Variants in MAD1L1 observed in about 807,000 individuals in gnomAD.
The protein encoded by MAD1L1 is mitotic arrest deficient 1 like 1, also known as mitotic spindle assembly checkpoint protein MAD1.
In MAD1L1, 95 loss-of-function variants were observed where a neutral mutation model predicts 96.9. The ratio of observed to expected loss-of-function variants is 0.98; its 90% confidence interval spans 0.83 to 1.16. The LOEUF (loss-of-function observed/expected upper bound fraction) is 1.16. MAD1L1 is among the 50% of genes most tolerant of loss of function. The pLI, the probability that MAD1L1 is intolerant of heterozygous loss-of-function variation, is 0.00. For synonymous variants in MAD1L1, 473 were observed against 396.6 expected, an observed-to-expected ratio of 1.19 and a Z score of -2.29; for missense variants, 1,007 against 954.4, an observed-to-expected ratio of 1.06 and a Z score of -0.73.
In MAD1L1 at chr7:2,216,215, G is replaced by A. The variant is rs61736416; in HGVS notation, c.751C>T (p.Arg251Trp). The change falls in exon 8 of 19, where the codon CGG (arginine) becomes TGG (tryptophan). Residue 251 changes from arginine to tryptophan, a missense_variant. Physicochemically the swap from Arg to Trp is moderately radical, Grantham distance 101. Transcript: ENST00000265854. ...IVKNMKSELV[R>W]LPRLERELKQ... ...AGCTCCCGTTCCAGCCTAGGGAGCC[G>A]TACCAGCTCAGACTTCATGTTCTTC... 63 of 1,613,938 alleles carry A rather than the reference G, an allele frequency of 3.9e-5. No homozygotes were observed. Among genetic ancestry groups the A allele is most frequent in the Non-Finnish European group, 4.7e-5 (56 of 1,180,042 alleles).
chr7:2,182,026 T>C (rs1034055384), intron 10 of MAD1L1, among the ~76,000 whole-genome samples: 5 of 152,144 alleles, frequency 3.3e-5, no homozygotes, highest in African/African-American at 1.2e-4. Context: ...CTGGGGACAG[T>C]GTACACTGCT....
intron 18 of MAD1L1, chr7:1,849,278 T>G (rs985150680): frequency 1.1e-4 from 17 of 152,264 alleles, no homozygotes; most frequent in African/African-American, 3.9e-4. Flanking sequence ...GTCCTCGTTA[T>G]TGGCAGCACA....
chr7:1,878,572 T>C (rs550413675), intron 18 of MAD1L1, among the ~76,000 whole-genome samples: 166 of 148,288 alleles, frequency 1.1e-3, no homozygotes, highest in Admixed American at 2.7e-3. Context: ...TCAATAGATG[T>C]AAAAAAAAAA....
intron 10 of MAD1L1, among the ~76,000 whole-genome samples, chr7:2,189,407 GT>G (rs1479473669): frequency 6.6e-6 from 1 of 152,212 alleles, no homozygotes; most frequent in African/African-American, 2.4e-5. Flanking sequence ...CCATCAACAG[GT>G]GACTGGATAA....
intron 18 of MAD1L1, among the ~76,000 whole-genome samples, chr7:1,830,405 TAAATAA>T (rs1173368886): frequency 4.6e-5 from 7 of 151,166 alleles, no homozygotes; most frequent in Non-Finnish European, 1.0e-4. Flanking sequence ...TCAAAAAAAA[TAAATAA>T]AAATAAAAAC....
intron 12 of MAD1L1, among the ~76,000 whole-genome samples, chr7:2,053,058 C>T (rs1482258662): frequency 6.6e-6 from 1 of 152,214 alleles, no homozygotes; most frequent in Non-Finnish European, 1.5e-5. Flanking sequence ...TGCCCTGGCA[C>T]CTGCTCCCAG....
chr7:2,099,608 C>T (rs759284987), intron 11 of MAD1L1, among the ~76,000 whole-genome samples: 18 of 100,208 alleles, frequency 1.8e-4, no homozygotes, highest in Non-Finnish European at 3.4e-4. Flanking sequence ...GTGAGCGCAT[C>T]GGGCTGGGAG....
At chr7:2,086,018 G>T (rs1030233410) in intron 11 of MAD1L1, among the ~76,000 whole-genome samples, 2 of 152,164 alleles carry the variant, frequency 1.3e-5, no homozygotes, top group Non-Finnish European at 2.9e-5. Flanking sequence ...CATCACCTCC[G>T]TGCGCAGCTC....
intron 13 of MAD1L1, among the ~76,000 whole-genome samples, chr7:2,011,119 G>T (rs1452703619): frequency 6.6e-6 from 1 of 152,190 alleles, no homozygotes; most frequent in East Asian, 1.9e-4. Flanking sequence ...CCCCGGCTGG[G>T]GCGATGGCGG....
chr7:2,092,637 T>A (rs1394083284), intron 11 of MAD1L1, among the ~76,000 whole-genome samples: 4 of 152,240 alleles, frequency 2.6e-5, no homozygotes, highest in African/African-American at 9.6e-5. Flanking sequence ...TTCAATTAGG[T>A]TGCCTGTTTT....
In MAD1L1 at chr7:2,090,949, C is replaced by T. The variant is rs183747681; in HGVS notation, c.1074-21611G>A. On this transcript the variant is annotated intron_variant, in intron 11 of 18. Transcript: ENST00000265854. ...ACATCCATTTTATCTGCAATCCTTC[C>T]GGAGGGAGGAGCTGCATCTGCCCCA... Among the ~76,000 whole-genome samples, 422 of 152,296 alleles carry T rather than the reference C, an allele frequency of 2.8e-3. 1 individual carries two copies. Among genetic ancestry groups the T allele is most frequent in the Non-Finnish European group, 4.7e-3 (322 of 68,030 alleles).
intron 4 of MAD1L1, among the ~76,000 whole-genome samples, chr7:2,225,108 A>C (rs1375915354): frequency 6.6e-6 from 1 of 152,232 alleles, no homozygotes. Context: ...GACATCAAGC[A>C]TAACTGATAC....
At chr7:2,116,311 T>C (rs1787688929) in intron 11 of MAD1L1, among the ~76,000 whole-genome samples, 1 of 152,220 alleles carries the variant, frequency 6.6e-6, no homozygotes, top group Non-Finnish European at 1.5e-5. Flanking sequence ...GACTCAGGCC[T>C]GACTCATCTC....
At chr7:1,955,549 C>G (rs1175690018) in intron 16 of MAD1L1, among the ~76,000 whole-genome samples, 1 of 152,224 alleles carries the variant, frequency 6.6e-6, no homozygotes, top group Non-Finnish European at 1.5e-5. Flanking sequence ...CCTCAGCCTC[C>G]CAAAGTACTG....
At chr7:1,888,669 GCTGT>G (rs771485187) in intron 18 of MAD1L1, among the ~76,000 whole-genome samples, 26 of 152,140 alleles carry the variant, frequency 1.7e-4, no homozygotes, top group Admixed American at 7.2e-4. Context: ...TGTGTATGTG[GCTGT>G]CTGTGCATGT....
chr7:1,938,999 G>GCACACA (rs66527139), intron 16 of MAD1L1, among the ~76,000 whole-genome samples: 4 of 48,656 alleles, frequency 8.2e-5, no homozygotes, highest in African/African-American at 1.6e-4. Flanking sequence ...GCACACACAC[G>GCACACA]CACACACACA....
chr7:2,141,620 A>G (rs931984953), intron 11 of MAD1L1, among the ~76,000 whole-genome samples: 13 of 152,140 alleles, frequency 8.5e-5, no homozygotes, highest in South Asian at 2.1e-4. Context: ...TCTCCATGCC[A>G]TGCCCCCCTT....
chr7:2,066,874 G>A (rs1258981464), intron 12 of MAD1L1, among the ~76,000 whole-genome samples: 1 of 152,222 alleles, frequency 6.6e-6, no homozygotes, highest in East Asian at 1.9e-4. Context: ...AGGCCCACAC[G>A]TGACCTGTCA....
At chr7:2,167,711 C>A (rs1302044116) in intron 10 of MAD1L1, among the ~76,000 whole-genome samples, 1 of 151,534 alleles carries the variant, frequency 6.6e-6, no homozygotes, top group Non-Finnish European at 1.5e-5. Flanking sequence ...ACCTGGGCAA[C>A]CTCATCTCTT....
Sources: gnomAD v4.1 joint callset for allele counts (sites outside exome capture counted in the v4.1 genomes callset) on GRCh38, gnomAD v4.1.1 for gene constraint, MANE v1.5 for transcripts, NCBI Gene and HGNC (gene_info 2026-07-23, HGNC 2026-07-21) for gene names.